Variants in LPP observed in about 807,000 individuals in gnomAD.
LPP encodes the protein LIM domain containing preferred translocation partner in lipoma.
Under a neutral mutation model 60.4 loss-of-function variants are expected in LPP, and 38 were observed. The ratio of observed to expected loss-of-function variants is 0.63; its 90% CI spans 0.49 to 0.83. The LOEUF (loss-of-function observed/expected upper bound fraction) is 0.83. LPP is among the 40% of genes least tolerant of loss of function. LPP has a pLI of 0.00. For synonymous variants in LPP, 328 were observed against 290.8 expected, an observed-to-expected ratio of 1.13 and a Z score of -1.30; for missense variants, 902 against 783.6, an observed-to-expected ratio of 1.15 and a Z score of -1.80.
At chr3:188,550,439 G>A (rs1190491632) in intron 6 of LPP, among the ~76,000 whole-genome samples, 1 of 151,874 alleles carries the variant, frequency 6.6e-6, no homozygotes, top group African/African-American at 2.4e-5. Context: ...TTAGTTGGGT[G>A]TGGTGGCATG....
rs1369081948 is a variant in LPP at position 188,889,417 on chromosome 3, C to G, written c.*14938C>G. Reference sequence around the variant, plus strand: ...CCAAAAAAGATCGTTCTCAATGTGTCGTCTGACTCAACCAGCTGGCAGATT... The same window carrying G: ...CCAAAAAAGATCGTTCTCAATGTGTGGTCTGACTCAACCAGCTGGCAGATT... On this transcript the variant is annotated 3_prime_UTR_variant, in exon 12 of 12. Transcript: ENST00000617246. The G allele has an allele frequency of 1.3e-5, 3 of 231,580 alleles. No individual in the cohort carries two copies. Among genetic ancestry groups the G allele is most frequent in the Non-Finnish European group, 2.6e-5 (3 of 117,046 alleles). 14.3% of individuals were successfully genotyped at this position (231,580 alleles called of 1,614,324 possible).
chr3:188,690,850 T>C (rs1441231434), intron 7 of LPP, among the ~76,000 whole-genome samples: 1 of 152,172 alleles, frequency 6.6e-6, no homozygotes, highest in Non-Finnish European at 1.5e-5. Flanking sequence ...TGTAGAAGGA[T>C]GCTAACAATA....
chr3:188,617,427 A>G (rs1006746827), intron 7 of LPP, among the ~76,000 whole-genome samples: 4 of 152,160 alleles, frequency 2.6e-5, no homozygotes, highest in Non-Finnish European at 5.9e-5. Flanking sequence ...TGTAATAATA[A>G]CTATTGTCAG....
At chr3:188,438,730 T>C (rs573134163) in intron 4 of LPP, among the ~76,000 whole-genome samples, 3 of 152,208 alleles carry the variant, frequency 2.0e-5, no homozygotes, top group Non-Finnish European at 4.4e-5. Flanking sequence ...TTAGCCTTAA[T>C]GTCACTATAA....
At chr3:188,282,204 G>A (rs992019241) in intron 2 of LPP, among the ~76,000 whole-genome samples, 1 of 151,858 alleles carries the variant, frequency 6.6e-6, no homozygotes, top group Non-Finnish European at 1.5e-5. Flanking sequence ...CTTAATATGG[G>A]GCTCAGTGGC....
intron 4 of LPP, among the ~76,000 whole-genome samples, chr3:188,424,289 C>A (rs150130773): frequency 0.073 from 11,123 of 151,964 alleles, 617 homozygotes; most frequent in East Asian, 0.28. Context: ...ATTTCTGAGG[C>A]CTCTGTTCTG....
At chr3:188,200,509 C>A (rs747606777) in intron 1 of LPP, among the ~76,000 whole-genome samples, 1 of 152,194 alleles carries the variant, frequency 6.6e-6, no homozygotes, top group Admixed American at 6.5e-5. Flanking sequence ...TAGGAAGCCA[C>A]TGCTGAGGCC....
chr3:188,258,051 T>A (rs982599953), intron 2 of LPP, among the ~76,000 whole-genome samples: 1 of 152,254 alleles, frequency 6.6e-6, no homozygotes, highest in South Asian at 2.1e-4. Flanking sequence ...TGTGTGCTGA[T>A]GCTCATGACA....
chr3:188,844,223 T>C (rs1577931393), intron 9 of LPP, among the ~76,000 whole-genome samples: 1 of 152,242 alleles, frequency 6.6e-6, no homozygotes, highest in Non-Finnish European at 1.5e-5. Context: ...TGATTTGTAG[T>C]AGATGTTGTA....
At chr3:188,529,685 GCTT>G (rs1821619246) in intron 6 of LPP, among the ~76,000 whole-genome samples, 1 of 152,086 alleles carries the variant, frequency 6.6e-6, no homozygotes, top group Admixed American at 6.5e-5. Flanking sequence ...TGGAAATTTG[GCTT>G]AATTCCACAT....
At chr3:188,310,853 C>T (rs1753175351) in intron 2 of LPP, among the ~76,000 whole-genome samples, 1 of 152,024 alleles carries the variant, frequency 6.6e-6, no homozygotes, top group Non-Finnish European at 1.5e-5. Context: ...TTAAAAGAAT[C>T]CTTATAGTAA....
At chr3:188,196,148 C>T (rs1033444765) in intron 1 of LPP, among the ~76,000 whole-genome samples, 15 of 152,170 alleles carry the variant, frequency 9.9e-5, no homozygotes, top group African/African-American at 3.6e-4. Context: ...CCTAGCCTCT[C>T]CTTGGGGTTT....
At position 188,828,450 on chromosome 3, in the gene LPP, C is replaced by CA. The variant is rs756013067; in HGVS notation, c.1411-37735dup. Reference sequence around the variant, plus strand: ...TGAAACCCAGTCTCTACTAAAAATACAAAAAAAAAAAAAAATTAGCTGGGC... The same window carrying CA: ...TGAAACCCAGTCTCTACTAAAAATACAAAAAAAAAAAAAAAATTAGCTGGGC... On this transcript the variant is annotated intron_variant, in intron 9 of 11. Coordinates refer to ENST00000617246, the MANE Select transcript of LPP (RefSeq NM_001375462.1). Among the ~76,000 whole-genome samples the CA allele has an allele frequency of 5.8e-3, 692 of 118,956 alleles. 3 individuals are homozygous for CA. The highest frequency in any genetic ancestry group is 0.013 in the African/African-American group (426 of 32,554). 78.0% of individuals were successfully genotyped at this position (118,956 alleles called of 152,430 possible). A position where few individuals can be genotyped will look rare whatever the true frequency, so the allele number is the denominator to read the frequency against.
chr3:188,599,039 G>A (rs1170655538), intron 6 of LPP, among the ~76,000 whole-genome samples: 1 of 152,134 alleles, frequency 6.6e-6, no homozygotes, highest in African/African-American at 2.4e-5. Context: ...ATTTCTAGAT[G>A]ATAGAACACA....
chr3:188,623,266 T>TTA (rs1398772284), intron 7 of LPP, among the ~76,000 whole-genome samples: 1 of 150,826 alleles, frequency 6.6e-6, no homozygotes, highest in Non-Finnish European at 1.5e-5. Flanking sequence ...TACTTTTTTT[T>TTA]TTTTTTTTTG....
intron 5 of LPP, among the ~76,000 whole-genome samples, chr3:188,489,024 A>G (rs1487140978): frequency 5.3e-5 from 8 of 152,208 alleles, no homozygotes; most frequent in Admixed American, 5.2e-4. Flanking sequence ...ATTATATAAC[A>G]TTGCTTAAGG....
In LPP at chr3:188,215,389, C is replaced by T. The variant is rs1577335228; in HGVS notation, c.-189-10016C>T. On this transcript the variant is annotated intron_variant, in intron 1 of 11. Coordinates refer to ENST00000617246, the MANE Select transcript of LPP (RefSeq NM_001375462.1). ...GTGTAATCAGTCTCCAGGCCTCTTT[C>T]ATCTTGCAATCTGAAACTTTGTACC... Among the ~76,000 whole-genome samples the T allele has an allele frequency of 2.0e-5, 3 of 152,214 alleles. No individual in the cohort carries two copies. In the Middle Eastern group the frequency reaches 0.01, roughly 518 times the overall value.
intron 7 of LPP, among the ~76,000 whole-genome samples, chr3:188,611,931 C>T (rs1330509019): frequency 6.6e-6 from 1 of 152,172 alleles, no homozygotes; most frequent in East Asian, 1.9e-4. Context: ...AACATTTGGC[C>T]TGTCCTCACC....
intron 6 of LPP, among the ~76,000 whole-genome samples, chr3:188,577,262 A>G (rs1193611092): frequency 6.6e-6 from 1 of 152,186 alleles, no homozygotes; most frequent in Non-Finnish European, 1.5e-5. Flanking sequence ...TTCCCTGACA[A>G]TAACAAATTA....
Sources: allele counts gnomAD v4.1 joint callset (sites outside exome capture counted in the v4.1 genomes callset), GRCh38; gene constraint gnomAD v4.1.1; transcripts MANE v1.5; gene names NCBI Gene and HGNC (gene_info 2026-07-23, HGNC 2026-07-21).